DSCAM: variants seen among roughly 807,000 people sequenced by gnomAD.
The protein encoded by DSCAM is cell adhesion molecule DSCAM.
A neutral mutation model predicts 217.7 loss-of-function variants in DSCAM; 47 were observed. The ratio of observed to expected loss-of-function variants is 0.22; its 90% CI spans 0.17 to 0.28. DSCAM has a LOEUF of 0.28. Among genes scored for constraint, DSCAM ranks in the 10% least tolerant of loss-of-function variants. The pLI is 1.00. For synonymous variants in DSCAM, 1,056 were observed against 1,015.3 expected (o/e 1.04, Z -0.76); for missense variants, 2,080 against 2,618.3 (o/e 0.79, Z 4.49).
intron 8 of DSCAM, among the ~76,000 whole-genome samples, chr21:40,331,690 A>C (rs747921656): frequency 9.2e-5 from 14 of 152,218 alleles, no homozygotes; most frequent in Non-Finnish European, 1.8e-4. Context: ...ATGCTGGTAC[A>C]TTAAAATGAG....
chr21:40,208,247 G>T (rs545136076), intron 11 of DSCAM, among the ~76,000 whole-genome samples: 1 of 152,246 alleles, frequency 6.6e-6, no homozygotes, highest in African/African-American at 2.4e-5. Flanking sequence ...GAGGTCAAGA[G>T]TTTGAGACTA....
intron 3 of DSCAM, among the ~76,000 whole-genome samples, chr21:40,478,472 T>G (rs1259512503): frequency 6.6e-6 from 1 of 152,248 alleles, no homozygotes. Flanking sequence ...TGACCTTAAT[T>G]TCTATGCACC....
intron 3 of DSCAM, among the ~76,000 whole-genome samples, chr21:40,494,481 C>A (rs909068128): frequency 2.0e-5 from 3 of 151,964 alleles, no homozygotes; most frequent in African/African-American, 7.2e-5. Flanking sequence ...TAAACATGTT[C>A]CTGAATGATC....
At chr21:40,746,710 G>C (rs1268725688) in intron 1 of DSCAM, among the ~76,000 whole-genome samples, 1 of 151,844 alleles carries the variant, frequency 6.6e-6, no homozygotes, top group Non-Finnish European at 1.5e-5. Flanking sequence ...CAGCCTTCTA[G>C]ATCAAATGAA....
chr21:40,366,044 C>A (rs1296993414), intron 4 of DSCAM, among the ~76,000 whole-genome samples: 1 of 151,982 alleles, frequency 6.6e-6, no homozygotes, highest in African/African-American at 2.4e-5. Context: ...GTAACTTGAA[C>A]TTATTTTCTG....
At chr21:40,628,375 T>C (rs1460903711) in intron 3 of DSCAM, among the ~76,000 whole-genome samples, 1 of 152,182 alleles carries the variant, frequency 6.6e-6, no homozygotes, top group Non-Finnish European at 1.5e-5. Flanking sequence ...TTACTGTACC[T>C]CTACAGGCCT....
At chr21:40,256,400 CAGACAGAGAGAGAGAGAGAG>C (rs2073370876) in intron 11 of DSCAM, among the ~76,000 whole-genome samples, 1 of 147,322 alleles carries the variant, frequency 6.8e-6, no homozygotes, top group East Asian at 2.1e-4. Flanking sequence ...GAGAGAGAGA[CAGACAGAGAGAGAGAGAGAG>C]AGACAGAGAG....
intron 3 of DSCAM, among the ~76,000 whole-genome samples, chr21:40,533,184 T>A (rs948746071): frequency 6.6e-6 from 1 of 152,216 alleles, no homozygotes; most frequent in Non-Finnish European, 1.5e-5. Flanking sequence ...CGCTACCTCA[T>A]TGTCTTGGCT....
intron 3 of DSCAM, among the ~76,000 whole-genome samples, chr21:40,658,623 A>T (rs6517603): frequency 0.62 from 94,543 of 152,066 alleles, 29,598 homozygotes; most frequent in Admixed American, 0.69. Flanking sequence ...CATACGACTT[A>T]CAAGTCTGAA....
chr21:40,513,676 C>T (rs1014740116), intron 3 of DSCAM, among the ~76,000 whole-genome samples: 3 of 152,164 alleles, frequency 2.0e-5, no homozygotes, highest in African/African-American at 7.2e-5. Flanking sequence ...CATGAGGAAT[C>T]TTTCCCCATG....
intron 3 of DSCAM, among the ~76,000 whole-genome samples, chr21:40,546,252 G>A (rs559933999): frequency 2.6e-5 from 4 of 152,326 alleles, no homozygotes; most frequent in East Asian, 1.9e-4. Context: ...GGAGAGCTGG[G>A]GGTCCACACA....
In DSCAM at chr21:40,662,519, C is replaced by T. The variant is rs1456878216; in HGVS notation, c.508+30291G>A. Among the ~76,000 whole-genome samples, 29 of 152,234 alleles carry T rather than the reference C, an allele frequency of 1.9e-4. 1 individual carries two copies. Among genetic ancestry groups the T allele is most frequent in the Admixed American group, 1.8e-3 (27 of 15,280 alleles). On this transcript the variant is annotated intron_variant, in intron 3 of 32. Coordinates refer to ENST00000400454, the MANE Select transcript of DSCAM (RefSeq NM_001389.5). ...AACAGCAGATATCAGATGTCATCTT[C>T]TCAAAGTTTTGCTTTATGCCAAAGT...
intron 3 of DSCAM, among the ~76,000 whole-genome samples, chr21:40,453,579 T>C (rs114697369): frequency 7.5e-4 from 115 of 152,328 alleles, no homozygotes; most frequent in African/African-American, 2.6e-3. Flanking sequence ...TCCAACACCT[T>C]AGGATGACAA....
At chr21:40,586,647 C>T (rs1253975275) in intron 3 of DSCAM, among the ~76,000 whole-genome samples, 1 of 152,152 alleles carries the variant, frequency 6.6e-6, no homozygotes, top group East Asian at 1.9e-4. Context: ...TGACAGACAG[C>T]CTTAAGGTGC....
At chr21:40,523,200 C>A (rs922715794) in intron 3 of DSCAM, among the ~76,000 whole-genome samples, 6 of 152,026 alleles carry the variant, frequency 3.9e-5, no homozygotes, top group African/African-American at 1.4e-4. Context: ...AGGTTGTGGT[C>A]CCTGACTAGG....
chr21:40,071,789 C>T (rs1434512725), intron 27 of DSCAM, among the ~76,000 whole-genome samples: 2 of 152,172 alleles, frequency 1.3e-5, no homozygotes, highest in South Asian at 2.1e-4. Context: ...TATGTGGGTT[C>T]GCTTGTTATT....
intron 16 of DSCAM, among the ~76,000 whole-genome samples, chr21:40,150,167 A>G (rs985010080): frequency 2.0e-5 from 3 of 152,252 alleles, no homozygotes; most frequent in Admixed American, 2.0e-4. Context: ...AATATGTTAA[A>G]ACAACTATCT....
chr21:40,204,504 A>C (rs955477145), intron 11 of DSCAM, among the ~76,000 whole-genome samples: 13 of 152,360 alleles, frequency 8.5e-5, no homozygotes, highest in African/African-American at 3.1e-4. Flanking sequence ...GAACGTTCTC[A>C]TAAAGGAAAA....
intron 10 of DSCAM, among the ~76,000 whole-genome samples, chr21:40,293,986 G>C (rs1178176819): frequency 6.6e-6 from 1 of 152,166 alleles, no homozygotes; most frequent in Admixed American, 6.5e-5. Flanking sequence ...GGACAGGACT[G>C]ACAGTCTAGA....
Sources: allele counts gnomAD v4.1 joint callset (sites outside exome capture counted in the v4.1 genomes callset), GRCh38; gene constraint gnomAD v4.1.1; transcripts MANE v1.5; gene names NCBI Gene and HGNC (gene_info 2026-07-23, HGNC 2026-07-21).